The following CTSK variants were observed in gnomAD, a reference collection of about 807,000 sequenced individuals.
The protein encoded by CTSK is cathepsin O.
Under a neutral mutation model 40.5 loss-of-function variants are expected in CTSK, and 26 were observed. The observed-to-expected ratio is 0.64, with a 90% CI of 0.47 to 0.89. The LOEUF is 0.89. Among genes scored for constraint, CTSK ranks in the 40% least tolerant of loss-of-function variants. The probability of loss-of-function intolerance (pLI) is 0.00; values close to 1 mark genes in which losing one functional copy is unlikely to be tolerated. For missense variants in CTSK, 292 were observed against 400.1 expected (o/e 0.73, Z 2.30); for synonymous variants, 132 against 143.2 (o/e 0.92, Z 0.56).
chr1:150,807,270 A>C (rs770613819), intron 1 of CTSK: 29 of 472,014 alleles, frequency 6.1e-5, no homozygotes, highest in African/African-American at 5.4e-4. Context: ...ATTTCCGTCT[A>C]AGTTTTGCCT....
intron 1 of CTSK, among the ~76,000 whole-genome samples, chr1:150,807,097 C>G (rs1421961872): frequency 8.0e-5 from 12 of 150,086 alleles, no homozygotes; most frequent in African/African-American, 3.0e-4. Context: ...CACACACACA[C>G]ACACACACAC....
chr1:150,799,418 T>A (rs1229612418), intron 6 of CTSK, 126 bp downstream of exon 6: 1 of 1,296,784 alleles, frequency 7.7e-7, no homozygotes, highest in African/African-American at 1.5e-5. Context: ...CAGCAGTTGT[T>A]AATTTCTCTC....
intron 5 of CTSK, among the ~76,000 whole-genome samples, chr1:150,803,288 CAAGAT>C (rs2101950908): frequency 6.6e-6 from 1 of 152,160 alleles, no homozygotes; most frequent in South Asian, 2.1e-4. Context: ...CCTATACATT[CAAGAT>C]AAGTCTACCT....
chr1:150,804,117 A>G lies in CTSK; in HGVS notation c.522T>C (p.Asn174=), dbSNP rs2101951523. ...TCATGTAGCCCCCTCCACAGCCATC[A>G]TTCTCAGACACACAATCCACTAGGT... ...PQNLVDCVSE[N]DGCGGGYMTN... Residue 174 remains asparagine (N), a synonymous_variant, in exon 5 of 8, where the codon AAT becomes AAC. Transcript: ENST00000271651. The G allele has an allele frequency of 6.2e-7, 1 of 1,614,168 alleles. No homozygotes were observed.
At chr1:150,802,758 G>A (rs1654016840) in intron 5 of CTSK, among the ~76,000 whole-genome samples, 2 of 151,990 alleles carry the variant, frequency 1.3e-5, no homozygotes, top group Admixed American at 1.3e-4. Context: ...AAATTGGTGG[G>A]CATGATGGCA....
chr1:150,803,293 T>G (rs1004588243), intron 5 of CTSK, among the ~76,000 whole-genome samples: 2 of 152,220 alleles, frequency 1.3e-5, no homozygotes, highest in African/African-American at 4.8e-5. Flanking sequence ...ACATTCAAGA[T>G]AAGTCTACCT....
At chr1:150,803,751 A>G (rs950250266) in intron 5 of CTSK, among the ~76,000 whole-genome samples, 2 of 152,204 alleles carry the variant, frequency 1.3e-5, no homozygotes, top group African/African-American at 4.8e-5. Context: ...GCAGAGGGTT[A>G]TAGAACCCAG....
At chr1:150,801,485 T>C (rs1227061104) in intron 5 of CTSK, among the ~76,000 whole-genome samples, 1 of 152,024 alleles carries the variant, frequency 6.6e-6, no homozygotes, top group Non-Finnish European at 1.5e-5. Flanking sequence ...TAAAACACAT[T>C]ACAAAAATTG....
chr1:150,799,301 T>A, intron 6 of CTSK, 28 bp from the exon 7 acceptor site: 2 of 1,516,370 alleles, frequency 1.3e-6, no homozygotes, highest in Non-Finnish European at 1.8e-6. Flanking sequence ...AGCGTGAGGC[T>A]CTATGCAATC....
At chr1:150,799,746 G>T in intron 5 of CTSK, 37 bp from the exon 6 acceptor site, 1 of 1,589,576 alleles carries the variant, frequency 6.3e-7, no homozygotes, top group Non-Finnish European at 8.6e-7. Flanking sequence ...CTAGGACAAA[G>T]CAATAGGCAA....
At chr1:150,801,458 C>A (rs1571124718) in intron 5 of CTSK, among the ~76,000 whole-genome samples, 2 of 151,894 alleles carry the variant, frequency 1.3e-5, no homozygotes, top group East Asian at 3.9e-4. Flanking sequence ...TCTTACCTTT[C>A]TCCATTCATA....
intron 5 of CTSK, among the ~76,000 whole-genome samples, chr1:150,800,243 G>A (rs1004883136): frequency 4.7e-5 from 7 of 148,436 alleles, no homozygotes; most frequent in African/African-American, 1.7e-4. Flanking sequence ...AAATGTGGGA[G>A]GAAAACAGTA....
chr1:150,802,019 T>A (rs1430791765), intron 5 of CTSK, among the ~76,000 whole-genome samples: 1 of 151,886 alleles, frequency 6.6e-6, no homozygotes, highest in Admixed American at 6.6e-5. Context: ...GGCTCACACC[T>A]GTAATCCCAG....
chr1:150,801,208 C>T (rs1333049418), intron 5 of CTSK, among the ~76,000 whole-genome samples: 4 of 151,774 alleles, frequency 2.6e-5, no homozygotes, highest in Admixed American at 2.6e-4. Context: ...CTCACTGCAA[C>T]CTCTGCCTCC....
intron 6 of CTSK, 61 bp downstream of exon 6, chr1:150,799,483 C>T (rs1414049297): frequency 1.3e-6 from 2 of 1,598,048 alleles, no homozygotes; most frequent in South Asian, 1.1e-5. Flanking sequence ...CAAGGTCCTT[C>T]GAGAAACCAT....
rs587682221 is a variant in CTSK at position 150,808,197 on chromosome 1, G to A, written c.-2+17C>T. The A allele has an allele frequency of 6.6e-6, 1 of 152,310 alleles. No homozygotes were observed. Among genetic ancestry groups the A allele is most frequent in the Non-Finnish European group, 1.5e-5 (1 of 68,028 alleles). The allele number at this position is 152,310 out of a possible 1,614,324, so 9.4% of individuals were successfully genotyped here. ...AGGAATGAAAAGCTAAAAGATCTAGGAAGTTGCAAACGTTACCTGCTGATG... is the reference window on the plus strand; with the variant it reads ...AGGAATGAAAAGCTAAAAGATCTAGAAAGTTGCAAACGTTACCTGCTGATG... On this transcript the variant is annotated intron_variant, in intron 1 of 7. Coordinates refer to ENST00000271651, the MANE Select transcript of CTSK (RefSeq NM_000396.4).
chr1:150,801,895 C>A (rs1013607732), intron 5 of CTSK, among the ~76,000 whole-genome samples: 2 of 151,998 alleles, frequency 1.3e-5, no homozygotes, highest in African/African-American at 4.8e-5. Context: ...AAAAGACAAA[C>A]CTCAACTTTT....
rs1034096210 is a variant in CTSK at position 150,805,825 on chromosome 1, A to C, written c.399+36T>G. On this transcript the variant is annotated intron_variant, in intron 4 of 7. Coordinates refer to ENST00000271651, the MANE Select transcript of CTSK (RefSeq NM_000396.4). ...AGCAGAAAAAGGAAAAGGTCATGCC[A>C]GATTACATATGCACACCCAGAAGAA... 5.0e-6 allele frequency: 8 copies of C among 1,612,202 alleles called. No individual in the cohort carries two copies. In the East Asian group the frequency reaches 1.8e-4, roughly 36 times the overall value.
Position 150,796,871 on chromosome 1 carries a change from T to C in CTSK, c.918A>G (p.Gly306=), listed in dbSNP as rs1396133167. 6.2e-7 allele frequency: 1 copy of C among 1,614,090 alleles called. No individual in the cohort carries two copies. The highest frequency in any genetic ancestry group is 8.5e-7 in the Non-Finnish European group (1 of 1,179,938). The change falls in exon 8 of 8, where the codon GGA becomes GGG. Residue 306 remains glycine (G), a synonymous_variant. Coordinates refer to ENST00000271651, the MANE Select transcript of CTSK (RefSeq NM_000396.4). ...NSWGENWGNK[G]YILMARNKNN... ...TCTTATTTCGAGCCATGAGGATATA[T>C]CCTTTGTTTCCCCAGTTTTCTCCCC...
Sources: allele counts gnomAD v4.1 joint callset (sites outside exome capture counted in the v4.1 genomes callset), GRCh38; gene constraint gnomAD v4.1.1; transcripts MANE v1.5; gene names NCBI Gene and HGNC (gene_info 2026-07-23, HGNC 2026-07-21).